Variants in SIPA1L1 observed in about 807,000 individuals in gnomAD.
SIPA1L1 encodes signal-induced proliferation-associated 1-like protein 1.
Under a neutral mutation model 162.7 loss-of-function variants are expected in SIPA1L1, and 26 were observed. The observed-to-expected ratio is 0.16, with a 90% confidence interval of 0.12 to 0.22. The LOEUF is 0.22. Among genes scored for constraint, SIPA1L1 ranks in the 10% least tolerant of loss-of-function variants. SIPA1L1 has a pLI of 1.00. For synonymous variants in SIPA1L1, 829 were observed against 837.4 expected (o/e 0.99, Z 0.17); for missense variants, 1,874 against 2,241.0 (o/e 0.84, Z 3.31).
intron 4 of SIPA1L1, among the ~76,000 whole-genome samples, chr14:71,540,591 G>C (rs887020902): frequency 6.6e-6 from 1 of 152,142 alleles, no homozygotes; most frequent in South Asian, 2.1e-4. Flanking sequence ...CAAAAAAAAG[G>C]TTGTGTCATT....
At chr14:71,705,744 G>T (rs2082391450) in intron 16 of SIPA1L1, among the ~76,000 whole-genome samples, 2 of 152,000 alleles carry the variant, frequency 1.3e-5, no homozygotes, top group South Asian at 4.2e-4. Flanking sequence ...TGATTCTGCT[G>T]CAGTAAAGGA....
chr14:71,341,416 G>C (rs538270480), intron 2 of SIPA1L1, among the ~76,000 whole-genome samples: 1 of 152,130 alleles, frequency 6.6e-6, no homozygotes, highest in Non-Finnish European at 1.5e-5. Context: ...AAATTATCGG[G>C]CTGTCATCAA....
In SIPA1L1 at chr14:71,702,392, G is replaced by A. The variant is rs766542244; in HGVS notation, c.3533G>A (p.Ser1178Asn). ...QKSMPEGFGVSRRSPASIDRQ... is the reference protein window; with the variant it reads ...QKSMPEGFGVNRRSPASIDRQ... ...GGAAATCACCACAGGTTTGGAGTGA[G>A]CCGTAGATCCCCAGCCTCCATTGAC... The change falls in exon 15 of 24, where the codon AGC becomes AAC. Residue 1178 changes from serine to asparagine, a missense_variant. Physicochemically the swap from Ser to Asn is conservative, Grantham distance 46. Transcript: ENST00000381232. 3.5e-5 allele frequency: 57 copies of A among 1,614,078 alleles called. No individual in the cohort carries two copies. Among genetic ancestry groups the A allele is most frequent in the Non-Finnish European group, 4.6e-5 (54 of 1,179,944 alleles).
At chr14:71,476,649 T>TTTTATTTATTTATTTA (rs200935200) in intron 2 of SIPA1L1, among the ~76,000 whole-genome samples, 5 of 146,246 alleles carry the variant, frequency 3.4e-5, no homozygotes, top group African/African-American at 1.3e-4. Context: ...AATTTGTTCG[T>TTTTATTTATTTATTTA]TTTATTTATT....
intron 2 of SIPA1L1, among the ~76,000 whole-genome samples, chr14:71,327,835 A>G (rs2034018051): frequency 6.6e-6 from 1 of 152,182 alleles, no homozygotes; most frequent in Non-Finnish European, 1.5e-5. Flanking sequence ...CCCAGAGCCT[A>G]ACTTCTTAGT....
intron 17 of SIPA1L1, 138 bp from the exon 18 acceptor site, chr14:71,723,509 C>A: frequency 1.1e-6 from 1 of 904,078 alleles, no homozygotes; most frequent in Non-Finnish European, 1.7e-6. Context: ...GCCAGGAAGG[C>A]CAGCCAGGCA....
At chr14:71,423,593 G>T (rs1298485600) in intron 2 of SIPA1L1, among the ~76,000 whole-genome samples, 1 of 152,128 alleles carries the variant, frequency 6.6e-6, no homozygotes, top group Non-Finnish European at 1.5e-5. Context: ...GAATGGTCTT[G>T]GCGCTCTTGT....
chr14:71,515,784 C>T (rs2051661665), intron 3 of SIPA1L1, among the ~76,000 whole-genome samples: 1 of 152,198 alleles, frequency 6.6e-6, no homozygotes, highest in East Asian at 1.9e-4. Flanking sequence ...ACTACACGCA[C>T]ATGCCACCAG....
At chr14:71,587,098 T>G (rs1339979574) in intron 4 of SIPA1L1, among the ~76,000 whole-genome samples, 1 of 152,206 alleles carries the variant, frequency 6.6e-6, no homozygotes, top group Non-Finnish European at 1.5e-5. Context: ...AGTTAAAAAG[T>G]GATTGTTGCA....
At chr14:71,566,313 T>A (rs1479679877) in intron 4 of SIPA1L1, among the ~76,000 whole-genome samples, 1 of 152,202 alleles carries the variant, frequency 6.6e-6, no homozygotes, top group East Asian at 1.9e-4. Context: ...TGTTACTGAG[T>A]GGGAAGTCTC....
chr14:71,679,118 C>T (rs186243325), intron 12 of SIPA1L1, among the ~76,000 whole-genome samples: 1 of 152,178 alleles, frequency 6.6e-6, no homozygotes, highest in African/African-American at 2.4e-5. Context: ...AAGAGCAACT[C>T]CAAGACACAT....
intron 2 of SIPA1L1, among the ~76,000 whole-genome samples, chr14:71,441,636 A>G (rs531802416): frequency 1.3e-5 from 2 of 152,316 alleles, no homozygotes; most frequent in African/African-American, 4.8e-5. Context: ...GGGACATGTA[A>G]GTACTAAATA....
chr14:71,688,931 A>G (rs2081063112), intron 13 of SIPA1L1, among the ~76,000 whole-genome samples: 1 of 152,220 alleles, frequency 6.6e-6, no homozygotes, highest in African/African-American at 2.4e-5. Flanking sequence ...CTTAAGCTCA[A>G]GTTAGCAGCC....
intron 7 of SIPA1L1, among the ~76,000 whole-genome samples, chr14:71,633,099 T>G (rs2040746440): frequency 6.8e-6 from 1 of 147,960 alleles, no homozygotes. Context: ...AATGAGCAAT[T>G]ACAAGCATGA....
At chr14:71,672,262 C>A in intron 11 of SIPA1L1, 86 bp from the exon 12 acceptor site, 4 of 1,386,612 alleles carry the variant, frequency 2.9e-6, no homozygotes, top group South Asian at 1.3e-5. Flanking sequence ...CAGAACTAAC[C>A]CTGCTTGCAA....
intron 5 of SIPA1L1, among the ~76,000 whole-genome samples, chr14:71,611,636 T>C (rs968328656): frequency 1.3e-5 from 2 of 151,714 alleles, no homozygotes; most frequent in South Asian, 2.1e-4. Flanking sequence ...CTCCCACTTA[T>C]GAGTAAGAAC....
At chr14:71,489,451 A>G (rs537778979) in intron 2 of SIPA1L1, among the ~76,000 whole-genome samples, 51 of 152,328 alleles carry the variant, frequency 3.3e-4, no homozygotes, top group African/African-American at 1.2e-3. Flanking sequence ...ATTTTATTGG[A>G]TATTTTCCAG....
chr14:71,534,156 A>G, intron 4 of SIPA1L1, among the ~76,000 whole-genome samples: 1 of 152,266 alleles, frequency 6.6e-6, no homozygotes, highest in African/African-American at 2.4e-5. Context: ...GAACTTGCTT[A>G]GTACCCAGTT....
intron 16 of SIPA1L1, among the ~76,000 whole-genome samples, chr14:71,708,266 G>A (rs1266301702): frequency 6.7e-6 from 1 of 149,816 alleles, no homozygotes; most frequent in Non-Finnish European, 1.5e-5. Flanking sequence ...TTAGATCTTT[G>A]ATCATTTGTG....
Sources: allele counts gnomAD v4.1 joint callset (sites outside exome capture counted in the v4.1 genomes callset), GRCh38; gene constraint gnomAD v4.1.1; transcripts MANE v1.5; gene names NCBI Gene and HGNC (gene_info 2026-07-23, HGNC 2026-07-21).